Variants in PLEKHA6 observed in about 807,000 individuals in gnomAD.
The protein encoded by PLEKHA6 is pleckstrin homology domain containing A6.
PLEKHA6 carries 60 observed loss-of-function variants against 116.7 expected under a neutral mutation model. That is an observed-to-expected ratio of 0.51 (90% CI 0.42 to 0.64). The LOEUF (loss-of-function observed/expected upper bound fraction) is 0.64, where lower values mean the gene tolerates loss of function less well. Ranked by LOEUF, PLEKHA6 falls within the 30% of genes least tolerant of loss-of-function variation. The pLI, the probability that PLEKHA6 is intolerant of heterozygous loss-of-function variation, is 0.00. For synonymous variants in PLEKHA6, 489 were observed against 556.1 expected (o/e 0.88, Z 1.70); for missense variants, 1,338 against 1,422.7 (o/e 0.94, Z 0.96).
At chr1:204,344,599 C>CAAA (rs58633345) in intron 1 of PLEKHA6, among the ~76,000 whole-genome samples, 3 of 121,638 alleles carry the variant, frequency 2.5e-5, no homozygotes, top group African/African-American at 9.7e-5. Context: ...GACTCCATCT[C>CAAA]AAAAAAAAAA....
intron 1 of PLEKHA6, among the ~76,000 whole-genome samples, chr1:204,353,539 A>C (rs1673338409): frequency 6.6e-6 from 1 of 152,216 alleles, no homozygotes; most frequent in Admixed American, 6.5e-5. Flanking sequence ...GTCAGAGTCC[A>C]AGAAGCAGTG....
At chr1:204,224,970 A>T (rs1360622290) in intron 21 of PLEKHA6, among the ~76,000 whole-genome samples, 1 of 152,224 alleles carries the variant, frequency 6.6e-6, no homozygotes, top group Non-Finnish European at 1.5e-5. Flanking sequence ...GAATTTACTC[A>T]TATGGACCCC....
At chr1:204,255,748 A>G in intron 9 of PLEKHA6, 2 of 697,806 alleles carry the variant, frequency 2.9e-6, no homozygotes, top group Non-Finnish European at 5.2e-6. Flanking sequence ...AAAGAAAACA[A>G]TAAAAAAAGA....
intron 1 of PLEKHA6, among the ~76,000 whole-genome samples, chr1:204,316,689 G>C (rs1214902726): frequency 6.6e-6 from 1 of 152,084 alleles, no homozygotes; most frequent in African/African-American, 2.4e-5. Flanking sequence ...CTTTTATCTG[G>C]CCAACTGGAA....
intron 1 of PLEKHA6, among the ~76,000 whole-genome samples, chr1:204,316,918 A>G (rs4313451): frequency 0.73 from 110,998 of 151,878 alleles, 41,056 homozygotes; most frequent in Middle Eastern, 0.8. Flanking sequence ...AACCCCAGAC[A>G]GATAAAGCGG....
intron 9 of PLEKHA6, chr1:204,251,444 G>A: frequency 1.5e-6 from 1 of 659,150 alleles, no homozygotes; most frequent in Non-Finnish European, 2.8e-6. Context: ...TGGGTGGCGT[G>A]AGCCTCATCC....
rs1660721810 is a variant in PLEKHA6 at position 204,228,656 on chromosome 1, G to A, written c.2885+72C>T. ...CCTGGGGAGGCTCTGTGCCCCCAAC[G>A]ACTTCTAGTGGCCCAGGTGTCCTAG... On this transcript the variant is annotated intron_variant, in intron 20 of 22. Coordinates refer to ENST00000272203, the MANE Select transcript of PLEKHA6 (RefSeq NM_014935.5). This position sits in a 1 kb window ranked among gnomAD's most constrained non-coding sequence, Gnocchi z 4.0. 6 of 1,464,648 alleles carry A rather than the reference G, an allele frequency of 4.1e-6. No individual in the cohort carries two copies. The highest frequency in any genetic ancestry group is 1.7e-5 in the Admixed American group (1 of 59,408). 90.7% of individuals were successfully genotyped at this position (1,464,648 alleles called of 1,614,324 possible).
intron 17 of PLEKHA6, among the ~76,000 whole-genome samples, chr1:204,239,012 T>C (rs1571811825): frequency 6.6e-6 from 1 of 152,318 alleles, no homozygotes; most frequent in South Asian, 2.1e-4. Flanking sequence ...GGAAAATTGG[T>C]GACAAAGAAA....
chr1:204,239,957 T>C (rs146342135), intron 17 of PLEKHA6, among the ~76,000 whole-genome samples: 52 of 152,324 alleles, frequency 3.4e-4, no homozygotes, highest in Admixed American at 1.2e-3. Flanking sequence ...CGGGTCTTCG[T>C]TCCAGAGGGA....
chr1:204,280,280 C>G (rs1436676332), intron 1 of PLEKHA6: 3 of 983,462 alleles, frequency 3.1e-6, no homozygotes, highest in Non-Finnish European at 3.6e-6. Flanking sequence ...GTGCAGTATA[C>G]CTGGCACTAC....
intron 1 of PLEKHA6, among the ~76,000 whole-genome samples, chr1:204,318,176 C>T (rs1414077191): frequency 2.0e-5 from 3 of 152,108 alleles, no homozygotes; most frequent in Non-Finnish European, 2.9e-5. Flanking sequence ...ATTCCCAGTG[C>T]CCAGGAGATT....
At chr1:204,297,624 G>A (rs1260988442) in intron 1 of PLEKHA6, among the ~76,000 whole-genome samples, 1 of 151,736 alleles carries the variant, frequency 6.6e-6, no homozygotes, top group Non-Finnish European at 1.5e-5. Flanking sequence ...AGGGGGGGTG[G>A]GTAACAGTTT....
At chr1:204,299,403 C>T (rs1670596307) in intron 1 of PLEKHA6, among the ~76,000 whole-genome samples, 1 of 152,132 alleles carries the variant, frequency 6.6e-6, no homozygotes, top group African/African-American at 2.4e-5. Context: ...TCCTACTGCC[C>T]AGTGCAGAAG....
intron 1 of PLEKHA6, among the ~76,000 whole-genome samples, chr1:204,314,997 C>T (rs958953994): frequency 1.3e-5 from 2 of 152,208 alleles, no homozygotes; most frequent in Non-Finnish European, 2.9e-5. Flanking sequence ...GGCACACACT[C>T]CTGCACCACA....
At chr1:204,316,850 C>A (rs1671878330) in intron 1 of PLEKHA6, among the ~76,000 whole-genome samples, 1 of 152,212 alleles carries the variant, frequency 6.6e-6, no homozygotes, top group Non-Finnish European at 1.5e-5. Flanking sequence ...GACTCAATCA[C>A]CCTACTGGTA....
intron 1 of PLEKHA6, among the ~76,000 whole-genome samples, chr1:204,278,960 TA>T (rs1390314222): frequency 6.6e-6 from 1 of 152,208 alleles, no homozygotes; most frequent in Non-Finnish European, 1.5e-5. Flanking sequence ...AGCTCTCTCT[TA>T]AAATTAATTA....
chr1:204,340,140 C>G (rs1672793147), intron 1 of PLEKHA6, among the ~76,000 whole-genome samples: 1 of 152,100 alleles, frequency 6.6e-6, no homozygotes, highest in African/African-American at 2.4e-5. Flanking sequence ...AAAATTGGAA[C>G]ATGTTCTGTC....
chr1:204,333,392 C>T (rs1003851861), intron 1 of PLEKHA6, among the ~76,000 whole-genome samples: 1 of 152,206 alleles, frequency 6.6e-6, no homozygotes, highest in Admixed American at 6.5e-5. Context: ...AGAGAAAGTA[C>T]AGCTCAAGCC....
In PLEKHA6 at chr1:204,255,531, G is replaced by C. The variant is rs971278101; in HGVS notation, c.1524+1822C>G. On this transcript the variant is annotated intron_variant, in intron 9 of 22. Transcript: ENST00000272203. ...TTGTGTCCTGCTTGCACCAACAAAG[G>C]TTGTCAAATGGCTGGAAGATGAGGA... 5.9e-6 allele frequency: 4 copies of C among 679,700 alleles called. No homozygotes were observed. In the African/African-American group the frequency reaches 7.1e-5, roughly 12 times the overall value. 42.1% of individuals were successfully genotyped at this position (679,700 alleles called of 1,614,324 possible). A position where few individuals can be genotyped will look rare whatever the true frequency, so the allele number is the denominator to read the frequency against.
Sources: gnomAD v4.1 joint callset for allele counts (sites outside exome capture counted in the v4.1 genomes callset) on GRCh38, gnomAD v4.1.1 for gene constraint, Gnocchi (gnomAD v3.1) non-coding constraint, MANE v1.5 for transcripts, NCBI Gene and HGNC (gene_info 2026-07-23, HGNC 2026-07-21) for gene names.